The following FGF12 variants were observed in gnomAD, a reference collection of about 807,000 sequenced individuals.
FGF12 encodes the protein fibroblast growth factor 12B.
FGF12 carries 14 observed loss-of-function variants against 23.6 expected under a neutral mutation model. The ratio of observed to expected loss-of-function variants is 0.59; its 90% confidence interval spans 0.39 to 0.93. The LOEUF is 0.93. FGF12 is among the 40% of genes least tolerant of loss of function. The probability of loss-of-function intolerance (pLI) is 0.00; values close to 1 mark genes in which losing one functional copy is unlikely to be tolerated. For missense variants in FGF12, 175 were observed against 217.8 expected, an observed-to-expected ratio of 0.80 and a Z score of 1.24; for synonymous variants, 62 against 77.3, an observed-to-expected ratio of 0.80 and a Z score of 1.04.
At chr3:192,284,255 C>T (rs139703849) in intron 4 of FGF12, among the ~76,000 whole-genome samples, 1,605 of 152,198 alleles carry the variant, frequency 0.011, 11 homozygotes, top group Middle Eastern at 0.031. Context: ...ATGGAATATT[C>T]GCATTTTACC....
intron 2 of FGF12, among the ~76,000 whole-genome samples, chr3:192,529,086 T>C (rs2108850043): frequency 6.6e-6 from 1 of 152,258 alleles, no homozygotes; most frequent in South Asian, 2.1e-4. Context: ...CCTCAGAAAA[T>C]GGGATTTTCT....
chr3:192,265,430 T>C (rs1230831357), intron 4 of FGF12: 1 of 152,096 alleles, frequency 6.6e-6, no homozygotes, highest in Admixed American at 6.6e-5. Context: ...GGTGGCTCTT[T>C]CTCCCTTAAT....
intron 4 of FGF12, among the ~76,000 whole-genome samples, chr3:192,320,902 A>G (rs1245341436): frequency 2.0e-5 from 3 of 152,146 alleles, no homozygotes; most frequent in Admixed American, 1.3e-4. Flanking sequence ...GTAAAGAACT[A>G]AAAAAACAAG....
chr3:192,502,729 C>A (rs1320519854), intron 2 of FGF12, among the ~76,000 whole-genome samples: 1 of 152,176 alleles, frequency 6.6e-6, no homozygotes, highest in African/African-American at 2.4e-5. Context: ...AGAAAAGCAA[C>A]TAACGTTGGA....
At chr3:192,363,309 G>A (rs6788148) in intron 2 of FGF12, among the ~76,000 whole-genome samples, 47,738 of 151,490 alleles carry the variant, frequency 0.32, 9,266 homozygotes, top group East Asian at 0.61. Context: ...TAAAGCCTGT[G>A]AATGATTGTT....
chr3:192,605,966 C>T (rs898407810), intron 2 of FGF12, among the ~76,000 whole-genome samples: 8 of 152,162 alleles, frequency 5.3e-5, no homozygotes, highest in African/African-American at 1.7e-4. Context: ...TTGGAGATTT[C>T]TCAAAGAACT....
At chr3:192,258,575 A>C (rs779866342) in intron 4 of FGF12, among the ~76,000 whole-genome samples, 3 of 152,206 alleles carry the variant, frequency 2.0e-5, no homozygotes, top group African/African-American at 7.2e-5. Context: ...TTTCTTTAAA[A>C]TTGGAGAAGG....
intron 5 of FGF12, among the ~76,000 whole-genome samples, chr3:192,148,613 A>G (rs374604381): frequency 1.3e-5 from 2 of 152,204 alleles, no homozygotes; most frequent in Non-Finnish European, 2.9e-5. Context: ...TTGTATTATC[A>G]TATTTTACCA....
intron 2 of FGF12, among the ~76,000 whole-genome samples, chr3:192,690,313 G>A (rs1446929156): frequency 1.3e-5 from 2 of 151,582 alleles, no homozygotes; most frequent in South Asian, 4.2e-4. Flanking sequence ...TATAAAGATT[G>A]AAAGGAAAAA....
intron 2 of FGF12, among the ~76,000 whole-genome samples, chr3:192,713,377 A>G (rs1263411508): frequency 6.6e-6 from 1 of 152,218 alleles, no homozygotes; most frequent in Non-Finnish European, 1.5e-5. Flanking sequence ...ATTGTAGAGG[A>G]AAAAATGGGA....
intron 4 of FGF12, among the ~76,000 whole-genome samples, chr3:192,310,985 C>T (rs1023412060): frequency 6.6e-6 from 1 of 152,148 alleles, no homozygotes. Context: ...AAGAAATTCA[C>T]ACCTCTGTAT....
intron 2 of FGF12, among the ~76,000 whole-genome samples, chr3:192,609,644 G>A (rs984121725): frequency 6.6e-6 from 1 of 152,038 alleles, no homozygotes; most frequent in Non-Finnish European, 1.5e-5. Context: ...TTAGGGGCAA[G>A]CTGCTGGGAG....
intron 2 of FGF12, among the ~76,000 whole-genome samples, chr3:192,633,103 A>C (rs150378588): frequency 0.097 from 14,712 of 152,082 alleles, 901 homozygotes; most frequent in Non-Finnish European, 0.14. Flanking sequence ...TGGAGTGCAG[A>C]GGCATGATCT....
intron 4 of FGF12, among the ~76,000 whole-genome samples, chr3:192,207,035 A>G (rs1321860546): frequency 6.6e-6 from 1 of 152,190 alleles, no homozygotes; most frequent in African/African-American, 2.4e-5. Flanking sequence ...AAGATATTAT[A>G]TTGGGAAAAA....
intron 2 of FGF12, among the ~76,000 whole-genome samples, chr3:192,605,196 G>A (rs1714286544): frequency 6.6e-6 from 1 of 152,018 alleles, no homozygotes; most frequent in South Asian, 2.1e-4. Context: ...GGCCAACATG[G>A]TGAAACCCTG....
chr3:192,632,895 T>C (rs1343803318), intron 2 of FGF12, among the ~76,000 whole-genome samples: 1 of 152,090 alleles, frequency 6.6e-6, no homozygotes, highest in Non-Finnish European at 1.5e-5. Context: ...TGGGGGGGAA[T>C]CTATTCCATG....
intron 4 of FGF12, among the ~76,000 whole-genome samples, chr3:192,329,973 T>C (rs1273861890): frequency 6.6e-6 from 1 of 152,182 alleles, no homozygotes; most frequent in African/African-American, 2.4e-5. Context: ...ACTCTATTTT[T>C]TAAATGTTAT....
chr3:192,311,927 G>GTCTGTCTATCTA (rs1182075683), intron 4 of FGF12, among the ~76,000 whole-genome samples: 82 of 145,464 alleles, frequency 5.6e-4, no homozygotes, highest in African/African-American at 1.9e-3. Flanking sequence ...TTGACTGTCT[G>GTCTGTCTATCTA]TCTATCTATC....
intron 4 of FGF12, among the ~76,000 whole-genome samples, chr3:192,187,698 C>T (rs1367111805): frequency 6.6e-6 from 1 of 151,506 alleles, no homozygotes; most frequent in Non-Finnish European, 1.5e-5. Context: ...TTGGATTGAC[C>T]CTTGAAGAAT....
Sources: allele counts gnomAD v4.1 joint callset (sites outside exome capture counted in the v4.1 genomes callset), GRCh38; gene constraint gnomAD v4.1.1; transcripts MANE v1.5; gene names NCBI Gene and HGNC (gene_info 2026-07-23, HGNC 2026-07-21).